AP2A2: variants seen among roughly 807,000 people sequenced by gnomAD.
The protein encoded by AP2A2 is adaptor related protein complex 2 subunit alpha 2, also known as AP-2 complex subunit alpha-2.
A neutral mutation model predicts 104.2 loss-of-function variants in AP2A2; 32 were observed. The ratio of observed to expected loss-of-function variants is 0.31; its 90% CI spans 0.23 to 0.41. AP2A2 has a LOEUF of 0.41. Ranked by LOEUF, AP2A2 falls within the 10% of genes least tolerant of loss-of-function variation. The pLI is 1.00. For missense variants in AP2A2, 912 were observed against 1,261.0 expected (o/e 0.72, Z 4.19); for synonymous variants, 539 against 533.3 (o/e 1.01, Z -0.15).
chr11:966,678 C>T (rs566398647), intron 2 of AP2A2, among the ~76,000 whole-genome samples: 3 of 152,228 alleles, frequency 2.0e-5, no homozygotes, highest in Admixed American at 2.0e-4. Flanking sequence ...CCACCCTGCC[C>T]CCGAGGGTGT....
intron 1 of AP2A2, among the ~76,000 whole-genome samples, chr11:950,102 C>T (rs1589957198): frequency 6.6e-6 from 1 of 152,172 alleles, no homozygotes; most frequent in East Asian, 1.9e-4. Flanking sequence ...AGCAGGAGTG[C>T]CAAGATAATT....
At chr11:974,716 G>A (rs1436016574) in intron 4 of AP2A2, among the ~76,000 whole-genome samples, 2 of 151,276 alleles carry the variant, frequency 1.3e-5, no homozygotes, top group Admixed American at 1.3e-4. Context: ...GCTGGGCATG[G>A]TGGCTCATGC....
intron 1 of AP2A2, among the ~76,000 whole-genome samples, chr11:954,248 C>T (rs1301991224): frequency 2.0e-5 from 3 of 152,148 alleles, no homozygotes; most frequent in Non-Finnish European, 4.4e-5. Context: ...CTTGGATTCC[C>T]ACCTCACTTG....
chr11:1,009,496 CGCGCCAGG>C, intron 20 of AP2A2, 99 bp downstream of exon 20: 1 of 1,327,624 alleles, frequency 7.5e-7, no homozygotes. Context: ...CCCATGACCC[CGCGCCAGG>C]GTCTGGAGGG....
chr11:1,003,235 G>A (rs1274219740), intron 15 of AP2A2, among the ~76,000 whole-genome samples: 2 of 152,254 alleles, frequency 1.3e-5, no homozygotes, highest in Non-Finnish European at 2.9e-5. Flanking sequence ...AGGGGAGATG[G>A]GGGCGCCCAG....
Position 1,011,633 on chromosome 11 carries a change from TAGGAGCCAAGGC to T in AP2A2, c.*1009_*1020del. 1 of 385,482 alleles carries T rather than the reference TAGGAGCCAAGGC, an allele frequency of 2.6e-6. No homozygotes were observed. Among genetic ancestry groups the T allele is most frequent in the Non-Finnish European group, 5.2e-6 (1 of 191,644 alleles). The allele number at this position is 385,482 out of a possible 1,614,324, so 23.9% of individuals were successfully genotyped here. ...GAGAGGCGAGAGAGTGGGGCCGGCC[TAGGAGCCAAGGC>T]TGGGGCCTTGCGCTCTGTCCCCAGG... is the stretch of plus-strand genomic sequence containing the variant. On this transcript the variant is annotated 3_prime_UTR_variant, in exon 22 of 22. Transcript: ENST00000448903.
intron 2 of AP2A2, among the ~76,000 whole-genome samples, chr11:963,677 G>C (rs1454140988): frequency 6.6e-6 from 1 of 152,160 alleles, no homozygotes; most frequent in Non-Finnish European, 1.5e-5. Context: ...TGACCAGGCT[G>C]CCCAGTGCAA....
At position 949,253 on chromosome 11, in the gene AP2A2, G is replaced by A. The variant is rs530481722; in HGVS notation, c.68-10184G>A. 5.8e-4 allele frequency among the ~76,000 whole-genome samples: 88 copies of A among 152,042 alleles called. 1 individual carries two copies. The highest frequency in any genetic ancestry group is 2.2e-4 in the Non-Finnish European group (15 of 68,018). ...ATCATGTCACTGCACTCCAGCCTGG[G>A]CGACAGAGAGAGACTCTGTCTCAAG... On this transcript the variant is annotated intron_variant, in intron 1 of 21. Coordinates refer to ENST00000448903, the MANE Select transcript of AP2A2 (RefSeq NM_012305.4).
chr11:939,594 G>A (rs116175155), intron 1 of AP2A2, among the ~76,000 whole-genome samples: 4,333 of 151,988 alleles, frequency 0.029, 214 homozygotes, highest in African/African-American at 0.097. Context: ...ACAGGAGCCT[G>A]CCACACTCCC....
chr11:942,087 C>A (rs961258484), intron 1 of AP2A2, among the ~76,000 whole-genome samples: 3 of 152,110 alleles, frequency 2.0e-5, no homozygotes, highest in African/African-American at 7.2e-5. Context: ...CCACCATGCC[C>A]GGCTAATTTT....
At chr11:1,007,935 C>G in intron 17 of AP2A2, 77 bp from the exon 18 acceptor site, 1 of 1,547,616 alleles carries the variant, frequency 6.5e-7, no homozygotes, top group Non-Finnish European at 8.7e-7. Flanking sequence ...CTCCACGGGT[C>G]CTGCTGGGGC....
At chr11:987,063 G>A (rs1315008886) in intron 9 of AP2A2, 110 bp downstream of exon 9, 17 of 1,276,770 alleles carry the variant, frequency 1.3e-5, no homozygotes, top group Non-Finnish European at 1.6e-5. Flanking sequence ...AGATGGAGGT[G>A]GTGCTGGTGC....
chr11:964,945 C>T (rs7394429), intron 2 of AP2A2, among the ~76,000 whole-genome samples: 906 of 57,030 alleles, frequency 0.016, 1 homozygote, highest in Admixed American at 0.031. Context: ...ATGGAACGGG[C>T]GGGAAATTAA....
At chr11:954,157 G>A (rs561157537) in intron 1 of AP2A2, among the ~76,000 whole-genome samples, 2 of 152,286 alleles carry the variant, frequency 1.3e-5, no homozygotes, top group African/African-American at 2.4e-5. Flanking sequence ...ACATGATGCC[G>A]TGAGGTTGTA....
chr11:935,603 G>GGTTTTTTTTTT (rs1853428341), intron 1 of AP2A2, among the ~76,000 whole-genome samples: 1 of 77,988 alleles, frequency 1.3e-5, no homozygotes, highest in African/African-American at 4.7e-5. Context: ...TGCCCGGCCA[G>GGTTTTTTTTTT]TTTTTTTTTT....
At chr11:975,533 T>A (rs1368915279) in intron 4 of AP2A2, among the ~76,000 whole-genome samples, 4 of 74,522 alleles carry the variant, frequency 5.4e-5, no homozygotes, top group African/African-American at 1.8e-4. Context: ...CCGACATTAG[T>A]GAGTAGCAGT....
chr11:951,091 CAA>C (rs879393709), intron 1 of AP2A2, among the ~76,000 whole-genome samples: 2 of 120,040 alleles, frequency 1.7e-5, no homozygotes, highest in African/African-American at 6.3e-5. Context: ...GACTGCATCT[CAA>C]AAAAAAAAAA....
In AP2A2 at chr11:993,293, G is replaced by C; in HGVS notation, c.1462G>C (p.Ala488Pro). The change falls in exon 12 of 22, where the codon GCT becomes CCT. Residue 488 changes from alanine (A) to proline (P), a missense_variant. Transcript: ENST00000448903. The surrounding 1 kb of genome is among the most constrained non-coding windows in gnomAD (Gnocchi z 8.2). Reference sequence around the variant, plus strand: ...TGTTTGTGCTTCGCAGGCTCTTCAGGCTCCCGCGTGCCACGAGAACCTGGT... The same window carrying C: ...TGTTTGTGCTTCGCAGGCTCTTCAGCCTCCCGCGTGCCACGAGAACCTGGT... ...AAKTVFEALQ[A>P]PACHENLVKV... is the part of the protein sequence containing the mutation. The C allele has an allele frequency of 6.2e-7, 1 of 1,608,372 alleles. No individual in the cohort carries two copies. The highest frequency in any genetic ancestry group is 8.5e-7 in the Non-Finnish European group (1 of 1,178,474).
intron 17 of AP2A2, chr11:1,007,339 G>A (rs946807567): frequency 1.3e-5 from 2 of 153,502 alleles, no homozygotes; most frequent in African/African-American, 4.8e-5. Context: ...ACATGCAGGA[G>A]CACCTGTATT....
Sources: allele counts gnomAD v4.1 joint callset (sites outside exome capture counted in the v4.1 genomes callset), GRCh38; gene constraint gnomAD v4.1.1; non-coding constraint Gnocchi (gnomAD v3.1); transcripts MANE v1.5; gene names NCBI Gene and HGNC (gene_info 2026-07-23, HGNC 2026-07-21).